NRXN1: variants seen among roughly 807,000 people sequenced by gnomAD.
The protein encoded by NRXN1 is neurexin-1.
In NRXN1, 39 loss-of-function variants were observed where a neutral mutation model predicts 150.9. The ratio of observed to expected loss-of-function variants is 0.26; its 90% CI spans 0.20 to 0.34. NRXN1 has a LOEUF of 0.34. Ranked by LOEUF, NRXN1 falls within the 10% of genes least tolerant of loss-of-function variation. The pLI is 1.00. For synonymous variants in NRXN1, 924 were observed against 757.0 expected (o/e 1.22, Z -3.62); for missense variants, 1,815 against 1,949.9 (o/e 0.93, Z 1.30).
chr2:50,441,298 T>A (rs1015696785), intron 17 of NRXN1, among the ~76,000 whole-genome samples: 1 of 152,288 alleles, frequency 6.6e-6, no homozygotes, highest in African/African-American at 2.4e-5. Flanking sequence ...GATTATTAGT[T>A]CTTTTTTACT....
chr2:50,185,283 C>T (rs529568991), intron 18 of NRXN1, among the ~76,000 whole-genome samples: 1 of 152,162 alleles, frequency 6.6e-6, no homozygotes, highest in African/African-American at 2.4e-5. Flanking sequence ...TTTTTCTCTA[C>T]AAGGAGAGGC....
intron 8 of NRXN1, among the ~76,000 whole-genome samples, chr2:50,553,342 C>T (rs1333261711): frequency 6.6e-6 from 1 of 152,108 alleles, no homozygotes; most frequent in Non-Finnish European, 1.5e-5. Flanking sequence ...TCTACATTAC[C>T]ATGCTAAGAC....
chr2:50,741,539 A>C (rs190562157), intron 5 of NRXN1, among the ~76,000 whole-genome samples: 60 of 152,294 alleles, frequency 3.9e-4, no homozygotes, highest in Non-Finnish European at 2.4e-4. Context: ...AATGAATACA[A>C]TTTTAAGTTT....
intron 5 of NRXN1, among the ~76,000 whole-genome samples, chr2:50,749,225 T>C (rs1236413169): frequency 1.3e-5 from 2 of 152,150 alleles, no homozygotes; most frequent in Non-Finnish European, 2.9e-5. Context: ...ACTACTGCTA[T>C]AATTGTCTAA....
chr2:50,787,363 C>T (rs907308098), intron 5 of NRXN1, among the ~76,000 whole-genome samples: 38 of 151,912 alleles, frequency 2.5e-4, no homozygotes, highest in African/African-American at 8.9e-4. Context: ...AGTTCGAGAC[C>T]AGCCTTGACT....
At chr2:50,616,751 C>T (rs530649594) in intron 8 of NRXN1, among the ~76,000 whole-genome samples, 1 of 152,048 alleles carries the variant, frequency 6.6e-6, no homozygotes, top group Non-Finnish European at 1.5e-5. Context: ...AAATTTCTTC[C>T]ATGACTTCAG....
At chr2:50,520,770 T>C (rs2092765642) in intron 12 of NRXN1, among the ~76,000 whole-genome samples, 1 of 152,058 alleles carries the variant, frequency 6.6e-6, no homozygotes, top group African/African-American at 2.4e-5. Context: ...TTTTATTTAT[T>C]GTACTCATCA....
At chr2:50,647,228 G>A (rs1684958114) in intron 5 of NRXN1, among the ~76,000 whole-genome samples, 1 of 151,730 alleles carries the variant, frequency 6.6e-6, no homozygotes. Context: ...TAGGCCCAGG[G>A]AAAATATAAA....
chr2:50,522,018 G>C (rs2092803110), intron 12 of NRXN1, among the ~76,000 whole-genome samples: 2 of 152,088 alleles, frequency 1.3e-5, no homozygotes, highest in African/African-American at 4.8e-5. Flanking sequence ...CCAGTGAAAG[G>C]GATGACAGAA....
chr2:50,394,162 A>G (rs1263228146), intron 17 of NRXN1, among the ~76,000 whole-genome samples: 5 of 151,998 alleles, frequency 3.3e-5, no homozygotes, highest in Admixed American at 3.3e-4. Flanking sequence ...TTCCCCATCT[A>G]AACTCCCTTT....
chr2:50,638,534 A>C (rs1371364647), intron 5 of NRXN1, among the ~76,000 whole-genome samples: 1 of 152,168 alleles, frequency 6.6e-6, no homozygotes, highest in Non-Finnish European at 1.5e-5. Context: ...CAAACTGAAT[A>C]ACACTACCTC....
chr2:50,843,698 T>C (rs779743007), intron 5 of NRXN1, among the ~76,000 whole-genome samples: 10 of 152,184 alleles, frequency 6.6e-5, no homozygotes, highest in East Asian at 1.9e-4. Flanking sequence ...ATTGCTCTCA[T>C]TGGTATAACA....
At position 51,026,462 on chromosome 2, in the gene NRXN1, T is replaced by A. The variant is rs201741449; in HGVS notation, c.772+1040A>T. ...CCGGCAAAACACACTGAAGACCGAATTTTATTTCTAAAGAGGAGAAAAGAG... is the reference window on the plus strand; with the variant it reads ...CCGGCAAAACACACTGAAGACCGAAATTTATTTCTAAAGAGGAGAAAAGAG... On this transcript the variant is annotated intron_variant, in intron 2 of 22. Coordinates refer to ENST00000401669, the MANE Select transcript of NRXN1 (RefSeq NM_001330078.2). 1.6e-4 allele frequency: 260 copies of A among 1,597,194 alleles called. No individual in the cohort carries two copies. The highest frequency in any genetic ancestry group is 2.1e-4 in the Non-Finnish European group (241 of 1,169,600).
intron 17 of NRXN1, among the ~76,000 whole-genome samples, chr2:50,296,884 T>TC (rs1491007831): frequency 2.4e-3 from 27 of 11,162 alleles, no homozygotes; most frequent in South Asian, 7.0e-3. Flanking sequence ...TTTCTTTCTT[T>TC]TTTTTTTTTT....
intron 17 of NRXN1, among the ~76,000 whole-genome samples, chr2:50,428,327 A>C (rs1035098903): frequency 6.6e-5 from 10 of 152,126 alleles, no homozygotes; most frequent in African/African-American, 2.4e-4. Context: ...AGGTGGGAAG[A>C]TCACCTAAGC....
At chr2:50,870,329 C>G (rs578018032) in intron 5 of NRXN1, among the ~76,000 whole-genome samples, 1 of 151,912 alleles carries the variant, frequency 6.6e-6, no homozygotes, top group African/African-American at 2.4e-5. Flanking sequence ...TTTAGTCAAT[C>G]ATTGAGTCTT....
intron 5 of NRXN1, among the ~76,000 whole-genome samples, chr2:50,701,433 C>T (rs757324670): frequency 3.9e-5 from 6 of 152,064 alleles, no homozygotes; most frequent in South Asian, 2.1e-4. Context: ...GCAAGTCTTA[C>T]GGCCATTTGA....
At chr2:50,098,946 T>C (rs1470277551) in intron 18 of NRXN1, among the ~76,000 whole-genome samples, 1 of 138,974 alleles carries the variant, frequency 7.2e-6, no homozygotes. Flanking sequence ...ATGTGGGCAA[T>C]ACCACCTCAG....
At chr2:50,941,523 C>T (rs560061676) in intron 2 of NRXN1, among the ~76,000 whole-genome samples, 2 of 152,236 alleles carry the variant, frequency 1.3e-5, no homozygotes, top group South Asian at 2.1e-4. Context: ...TGAAGAACCT[C>T]TTGGGAACTG....
Sources: gnomAD v4.1 joint callset for allele counts (sites outside exome capture counted in the v4.1 genomes callset) on GRCh38, gnomAD v4.1.1 for gene constraint, MANE v1.5 for transcripts, NCBI Gene and HGNC (gene_info 2026-07-23, HGNC 2026-07-21) for gene names.